TUB: variants seen among roughly 807,000 people sequenced by gnomAD.
TUB encodes tubby protein homolog.
TUB carries 33 observed loss-of-function variants against 59.7 expected under a neutral mutation model. That is an observed-to-expected ratio of 0.55 (90% CI 0.42 to 0.74). TUB has a LOEUF of 0.74. Ranked by LOEUF, TUB falls within the 30% of genes least tolerant of loss-of-function variation. The pLI is 0.00. For missense variants in TUB, 659 were observed against 672.0 expected, an observed-to-expected ratio of 0.98 and a Z score of 0.21; for synonymous variants, 293 against 256.4, an observed-to-expected ratio of 1.14 and a Z score of -1.36.
At chr11:8,079,755 G>A (rs1002224113), upstream of TUB, among the ~76,000 whole-genome samples, 1 of 152,000 alleles carries the variant, frequency 6.6e-6, no homozygotes, top group Non-Finnish European at 1.5e-5. Context: ...TGGCCAAAAG[G>A]AGGCTGAGGG....
rs549766546 is a variant in TUB, at chr11:8,101,698, C to T, written c.*79C>T. On this transcript the variant is annotated 3_prime_UTR_variant, in exon 12 of 12. Coordinates refer to ENST00000299506, the MANE Select transcript of TUB (RefSeq NM_177972.3). ...TGCCTGTGGAGACAGCCCTGCCTAT[C>T]CTCTGTATATAGGCCTTCCGCCAGA... 10 of 1,561,964 alleles carry T rather than the reference C, an allele frequency of 6.4e-6. No individual in the cohort carries two copies. The highest frequency in any genetic ancestry group is 4.7e-5 in the East Asian group (2 of 42,864).
At chr11:8,041,907 A>G (rs1016429984) in intron 2 of TUB, among the ~76,000 whole-genome samples, 1 of 152,182 alleles carries the variant, frequency 6.6e-6, no homozygotes, top group African/African-American at 2.4e-5. Context: ...GCCCCCAGCA[A>G]TGCCCAGCAG....
intron 1 of TUB, among the ~76,000 whole-genome samples, chr11:8,031,618 A>G (rs1942572509): frequency 1.3e-5 from 2 of 152,170 alleles, no homozygotes; most frequent in South Asian, 2.1e-4. Flanking sequence ...GGCCGCATCA[A>G]TGTTGGATGA....
upstream of TUB, chr11:8,077,390 A>G (rs1943466966): frequency 6.6e-6 from 1 of 152,150 alleles, no homozygotes; most frequent in South Asian, 2.1e-4. Flanking sequence ...ACACCGAACC[A>G]TTCACCTATT....
chr11:8,087,125 G>C (rs1943684209), intron 1 of TUB, among the ~76,000 whole-genome samples: 4 of 152,228 alleles, frequency 2.6e-5, no homozygotes, highest in Admixed American at 2.6e-4. Context: ...GCATGGATGA[G>C]AGCATTAAAA....
exon 1 of TUB, chr11:8,019,285 G>T: frequency 7.9e-7 from 1 of 1,263,278 alleles, no homozygotes; most frequent in Non-Finnish European, 9.9e-7. Context: ...GGAGCCCCGA[G>T]CGGAGCCGGA....
upstream of TUB, among the ~76,000 whole-genome samples, chr11:8,038,094 G>A (rs1307343971): frequency 2.0e-5 from 3 of 152,186 alleles, no homozygotes. Context: ...TCAAGGGGCT[G>A]AGTGATGTCA....
Position 8,100,955 on chromosome 11 carries a change from C to G in TUB, c.1345C>G (p.Gln449Glu). ...YVLNFHGRVT[Q>E]ASVKNFQIIH... ...ACTCAACTTCCATGGGCGCGTCACA[C>G]AGGCCTCCGTGAAGAACTTCCAGAT... Residue 449 changes from glutamine (Q) to glutamate (E), a missense_variant, in exon 11 of 12, where the codon CAG becomes GAG. By Grantham distance (29) the Gln-to-Glu change is conservative. Coordinates refer to ENST00000299506, the MANE Select transcript of TUB (RefSeq NM_177972.3). 6.2e-7 allele frequency: 1 copy of G among 1,614,158 alleles called. No individual in the cohort carries two copies. The highest frequency in any genetic ancestry group is 8.5e-7 in the Non-Finnish European group (1 of 1,180,030).
chr11:8,021,589 T>C (rs1942428414), intron 1 of TUB, among the ~76,000 whole-genome samples: 1 of 152,064 alleles, frequency 6.6e-6, no homozygotes, highest in African/African-American at 2.4e-5. Flanking sequence ...ATTGTAAACG[T>C]TTCTGGAACT....
intron 2 of TUB, among the ~76,000 whole-genome samples, chr11:8,053,914 G>GA (rs1203718980): frequency 1.3e-5 from 2 of 148,538 alleles, no homozygotes; most frequent in African/African-American, 4.9e-5. Context: ...AGGAGATCGA[G>GA]ACCATCCTGG....
rs139924358 is a variant in TUB at position 8,072,527 on chromosome 11, C to A, written c.204-17083C>A. ...CCAGCAATCAATGAGACAATACAAG[C>A]GAGCACTTAGCACAGTGCTGGCCCT... On this transcript the variant is annotated intron_variant, in intron 2 of 12. Transcript: ENST00000305253. 2.6e-5 allele frequency among the ~76,000 whole-genome samples: 4 copies of A among 152,182 alleles called. No individual in the cohort carries two copies. The South Asian group carries it at 6.2e-4, about 24-fold the overall frequency.
intron 6 of TUB, 112 bp from the exon 7 acceptor site, chr11:8,097,116 G>A: frequency 1.0e-5 from 13 of 1,242,180 alleles, no homozygotes; most frequent in Non-Finnish European, 1.5e-5. Context: ...CCAATCCCAG[G>A]ATCCTTCCCT....
In TUB at chr11:8,105,020, G is replaced by GTGAC. The variant is rs1380521334; in HGVS notation, c.*3402_*3405dup. 1 of 149,260 alleles carries GTGAC rather than the reference G, an allele frequency of 6.7e-6. No individual in the cohort carries two copies. The highest frequency in any genetic ancestry group is 2.5e-5 in the African/African-American group (1 of 40,720). 9.2% of individuals were successfully genotyped at this position (149,260 alleles called of 1,614,324 possible). On this transcript the variant is annotated 3_prime_UTR_variant, in exon 12 of 12. Coordinates refer to ENST00000299506, the MANE Select transcript of TUB (RefSeq NM_177972.3). The stretch of plus-strand genomic sequence containing the variant: ...TTAGAGGTAATTCTAAATTTAACAA[G>GTGAC]TGACAGGGTTGGTTTCAAAGAAAAA...
chr11:8,096,783 G>C lies in TUB; in HGVS notation c.664G>C (p.Ala222Pro). 1 of 1,614,168 alleles carries C rather than the reference G, an allele frequency of 6.2e-7. No homozygotes were observed. Among genetic ancestry groups the C allele is most frequent in the Non-Finnish European group, 8.5e-7 (1 of 1,180,006 alleles). Reference sequence around the variant, plus strand: ...AAATAGTAACACCCGCCCCAGCTCTGCTACTAGCAGGAAGTCCGTCAGGGT... The same window carrying C: ...AAATAGTAACACCCGCCCCAGCTCTCCTACTAGCAGGAAGTCCGTCAGGGT... The part of the protein sequence containing the change: ...QLNSNTRPSS[A>P]TSRKSVREAA... Residue 222 changes from alanine (A) to proline (P), a missense_variant, in exon 6 of 12, where the codon GCT becomes CCT. By Grantham distance (27) the Ala-to-Pro change is conservative. This residue lies in a region of TUB where 321 missense variants were observed against 304.3 expected (regional missense o/e 1.05). Transcript: ENST00000299506.
exon 2 of TUB, chr11:8,039,688 G>C: frequency 1.3e-6 from 2 of 1,533,068 alleles, no homozygotes; most frequent in Non-Finnish European, 8.8e-7. Flanking sequence ...AAGGGAGATC[G>C]CTCGGTGAGC....
rs756341559 is a variant in TUB at position 8,097,827 on chromosome 11, G to A, written c.998+1G>A. On this transcript the variant is annotated splice_donor_variant, in intron 8 of 11. Coordinates refer to ENST00000299506, the MANE Select transcript of TUB (RefSeq NM_177972.3). LOFTEE classifies it high-confidence loss of function. ...GGGACAGCTATATCGGGAAACTGCGGTACTAGCATTCCCCCAGGAAGCAGG... is the reference window on the plus strand; with the variant it reads ...GGGACAGCTATATCGGGAAACTGCGATACTAGCATTCCCCCAGGAAGCAGG... 1.9e-6 allele frequency: 3 copies of A among 1,611,564 alleles called. No homozygotes were observed. The highest frequency in any genetic ancestry group is 8.5e-7 in the Non-Finnish European group (1 of 1,177,900).
intron 11 of TUB, 135 bp from the exon 12 acceptor site, chr11:8,101,351 C>T (rs1944293500): frequency 1.7e-6 from 2 of 1,203,890 alleles, no homozygotes; most frequent in African/African-American, 1.5e-5. Flanking sequence ...TGTTTTACTT[C>T]CCTTTGTGAT....
intron 2 of TUB, among the ~76,000 whole-genome samples, chr11:8,052,633 C>A (rs1320507760): frequency 6.6e-6 from 1 of 152,018 alleles, no homozygotes; most frequent in Non-Finnish European, 1.5e-5. Context: ...CCACGCCCTG[C>A]TAATTTTTTG....
At chr11:8,101,027 T>C (rs1944272861) in intron 11 of TUB, 30 bp downstream of exon 11, 1 of 1,613,228 alleles carries the variant, frequency 6.2e-7, no homozygotes, top group Non-Finnish European at 8.5e-7. Flanking sequence ...CTCATTATGG[T>C]CCGTAGGATA....
Sources: allele counts gnomAD v4.1 joint callset (sites outside exome capture counted in the v4.1 genomes callset), GRCh38; gene constraint gnomAD v4.1.1; regional missense constraint gnomAD v4.1.1; transcripts MANE v1.5; gene names NCBI Gene and HGNC (gene_info 2026-07-23, HGNC 2026-07-21).